The following HIP1 variants were observed in gnomAD, a reference collection of about 807,000 sequenced individuals.
The protein encoded by HIP1 is huntingtin-interacting protein 1.
In HIP1, 65 loss-of-function variants were observed where a neutral mutation model predicts 147.6. That is an observed-to-expected ratio of 0.44 (90% CI 0.36 to 0.54). HIP1 has a LOEUF of 0.54. Ranked by LOEUF, HIP1 falls within the 20% of genes least tolerant of loss-of-function variation. The probability of loss-of-function intolerance (pLI) is 0.00; values close to 1 mark genes in which losing one functional copy is unlikely to be tolerated. For missense variants in HIP1, 1,061 were observed against 1,299.6 expected, an observed-to-expected ratio of 0.82 and a Z score of 2.82; for synonymous variants, 479 against 504.0, an observed-to-expected ratio of 0.95 and a Z score of 0.67.
At chr7:75,735,500 T>C (rs1554523544) in intron 1 of HIP1, among the ~76,000 whole-genome samples, 2 of 152,204 alleles carry the variant, frequency 1.3e-5, no homozygotes, top group Non-Finnish European at 2.9e-5. Flanking sequence ...CATGGTCTCC[T>C]AACTCATTAA....
chr7:75,723,827 G>A lies in HIP1; in HGVS notation c.120+14974C>T, dbSNP rs568874792. On this transcript the variant is annotated intron_variant, in intron 1 of 30. Coordinates refer to ENST00000336926, the MANE Select transcript of HIP1 (RefSeq NM_005338.7). ...CAAAGTCCCTTCTGCCATGTAGAAG[G>A]CCTCCTGTTCTGAAGGTCCTTCTGC... 3.4e-3 allele frequency among the ~76,000 whole-genome samples: 516 copies of A among 152,144 alleles called. 1 individual carries two copies. The highest frequency in any genetic ancestry group is 5.6e-3 in the Non-Finnish European group (380 of 67,994).
chr7:75,630,996 C>T (rs1420727986), intron 1 of HIP1, among the ~76,000 whole-genome samples: 1 of 152,174 alleles, frequency 6.6e-6, no homozygotes, highest in African/African-American at 2.4e-5. Context: ...CTCTGTCACC[C>T]AGGCTGGAGT....
chr7:75,568,183 T>G lies in HIP1; in HGVS notation c.803+16A>C, dbSNP rs1554495925. ...CTCTTGAATTCACCTCCATTCCTGT[T>G]ACTTGAACCACTTACTTTGTAAACT... On this transcript the variant is annotated intron_variant, in intron 9 of 30. Coordinates refer to ENST00000336926, the MANE Select transcript of HIP1 (RefSeq NM_005338.7). This position sits in a 1 kb window ranked among gnomAD's most constrained non-coding sequence, Gnocchi z 4.1. The G allele has an allele frequency of 6.3e-7, 1 of 1,588,986 alleles. No individual in the cohort carries two copies. The highest frequency in any genetic ancestry group is 2.2e-5 in the East Asian group (1 of 44,758).
chr7:75,577,232 G>A (rs1283782186), intron 7 of HIP1, among the ~76,000 whole-genome samples: 1 of 150,804 alleles, frequency 6.6e-6, no homozygotes, highest in African/African-American at 2.4e-5. Context: ...TCAGGAGGCT[G>A]AGGTGGGAGG....
intron 1 of HIP1, among the ~76,000 whole-genome samples, chr7:75,647,495 G>A (rs1383118580): frequency 1.3e-5 from 2 of 152,174 alleles, no homozygotes; most frequent in Non-Finnish European, 2.9e-5. Flanking sequence ...TTCTAGTCCT[G>A]TTTACCAGTG....
chr7:75,589,139 A>G (rs1476786757), intron 4 of HIP1, among the ~76,000 whole-genome samples: 1 of 151,514 alleles, frequency 6.6e-6, no homozygotes, highest in Non-Finnish European at 1.5e-5. Flanking sequence ...AACAAGAGCA[A>G]AACTCTGTCT....
chr7:75,553,616 T>G, intron 21 of HIP1, 27 bp from the exon 22 acceptor site: 1 of 1,605,526 alleles, frequency 6.2e-7, no homozygotes, highest in South Asian at 1.1e-5. Context: ...ATAGACACTT[T>G]TTTTTTGAGA....
At chr7:75,712,404 A>G (rs2117354374) in intron 1 of HIP1, among the ~76,000 whole-genome samples, 3 of 152,254 alleles carry the variant, frequency 2.0e-5, no homozygotes, top group African/African-American at 7.2e-5. Flanking sequence ...AATGATGTGA[A>G]AAAGTTAACT....
chr7:75,690,859 A>G (rs2158345), intron 1 of HIP1, among the ~76,000 whole-genome samples: 87,733 of 151,700 alleles, frequency 0.58, 26,437 homozygotes, highest in African/African-American at 0.75. Context: ...GTGAAACTCC[A>G]TCTCAAAAAA....
chr7:75,551,189 A>ATTTTTTTT (rs55679922), intron 22 of HIP1, among the ~76,000 whole-genome samples: 1,622 of 77,330 alleles, frequency 0.021, 353 homozygotes, highest in Non-Finnish European at 0.026. Context: ...GTAGATGATA[A>ATTTTTTTT]TTTTTTTTTT....
At chr7:75,595,251 T>TCTTTCTTTCTTTCTTTCTTTCTTC (rs1491144475) in intron 2 of HIP1, among the ~76,000 whole-genome samples, 3 of 59,534 alleles carry the variant, frequency 5.0e-5, no homozygotes, top group Non-Finnish European at 3.1e-5. Flanking sequence ...TTTCTTTCTT[T>TCTTTCTTTCTTTCTTTCTTTCTTC]CTTCCTTCCT....
chr7:75,626,579 C>T (rs1260696208), intron 1 of HIP1: 1 of 152,196 alleles, frequency 6.6e-6, no homozygotes, highest in Non-Finnish European at 1.5e-5. Context: ...AGAGGGAAAG[C>T]CTGGCAAAGG....
intron 29 of HIP1, among the ~76,000 whole-genome samples, chr7:75,541,259 G>A (rs1054186492): frequency 2.6e-5 from 4 of 152,110 alleles, no homozygotes; most frequent in African/African-American, 7.2e-5. Flanking sequence ...GGCTGGGCAC[G>A]GTGGCTCACG....
intron 1 of HIP1, among the ~76,000 whole-genome samples, chr7:75,699,072 G>A (rs1554518992): frequency 6.6e-6 from 1 of 151,948 alleles, no homozygotes; most frequent in Non-Finnish European, 1.5e-5. Flanking sequence ...TACATTAGCA[G>A]ATATGCAGTA....
At chr7:75,719,264 G>A (rs568984948) in intron 1 of HIP1, among the ~76,000 whole-genome samples, 2 of 152,046 alleles carry the variant, frequency 1.3e-5, no homozygotes, top group Non-Finnish European at 2.9e-5. Flanking sequence ...CAGCACTTTG[G>A]GAGGCCAAGG....
chr7:75,595,251 TC>T (rs1796676198), intron 2 of HIP1, among the ~76,000 whole-genome samples: 6 of 59,504 alleles, frequency 1.0e-4, no homozygotes, highest in African/African-American at 3.5e-4. Context: ...TTTCTTTCTT[TC>T]TTCCTTCCTT....
chr7:75,574,936 G>T (rs1383362701), intron 7 of HIP1, among the ~76,000 whole-genome samples: 2 of 151,960 alleles, frequency 1.3e-5, no homozygotes, highest in Non-Finnish European at 2.9e-5. Context: ...GAGGTGGGGG[G>T]ACTGCCTGAG....
intron 4 of HIP1, among the ~76,000 whole-genome samples, chr7:75,587,230 G>C (rs1214694428): frequency 6.6e-6 from 1 of 152,106 alleles, no homozygotes; most frequent in Non-Finnish European, 1.5e-5. Flanking sequence ...ACAGGTGTGA[G>C]CCACCACGCC....
chr7:75,708,804 T>C (rs1013081910), intron 1 of HIP1, among the ~76,000 whole-genome samples: 7 of 152,122 alleles, frequency 4.6e-5, no homozygotes, highest in African/African-American at 1.7e-4. Context: ...CCCCCAGCTA[T>C]GTTTTTCTTT....
Sources: gnomAD v4.1 joint callset for allele counts (sites outside exome capture counted in the v4.1 genomes callset) on GRCh38, gnomAD v4.1.1 for gene constraint, Gnocchi (gnomAD v3.1) non-coding constraint, MANE v1.5 for transcripts, NCBI Gene and HGNC (gene_info 2026-07-23, HGNC 2026-07-21) for gene names.